The following NPEPPS variants were observed in gnomAD, a reference collection of about 807,000 sequenced individuals.
The protein encoded by NPEPPS is puromycin-sensitive aminopeptidase.
Under a neutral mutation model 115.5 loss-of-function variants are expected in NPEPPS, and 14 were observed. The ratio of observed to expected loss-of-function variants is 0.12; its 90% confidence interval spans 0.08 to 0.19. The LOEUF is 0.19. NPEPPS is among the 10% of genes least tolerant of loss of function. The probability of loss-of-function intolerance (pLI) is 1.00; values close to 1 mark genes in which losing one functional copy is unlikely to be tolerated. For missense variants in NPEPPS, 523 were observed against 1,110.8 expected, an observed-to-expected ratio of 0.47 and a Z score of 7.52; for synonymous variants, 285 against 390.6, an observed-to-expected ratio of 0.73 and a Z score of 3.19.
chr17:47,586,647 G>A (rs187566035), intron 8 of NPEPPS: 7 of 573,272 alleles, frequency 1.2e-5, no homozygotes, highest in African/African-American at 1.1e-4. Context: ...TCTTGGCTAA[G>A]TTTCTCATTG....
At chr17:47,611,638 A>C (rs145027789) in intron 17 of NPEPPS, among the ~76,000 whole-genome samples, 24 of 151,946 alleles carry the variant, frequency 1.6e-4, no homozygotes, top group African/African-American at 5.5e-4. Flanking sequence ...ATGCTTGGTT[A>C]ATTATTAAGT....
intron 17 of NPEPPS, among the ~76,000 whole-genome samples, chr17:47,611,218 G>A (rs542952205): frequency 6.6e-6 from 1 of 151,886 alleles, no homozygotes; most frequent in East Asian, 2.0e-4. Context: ...CCAACACTGT[G>A]GCAGGCCGAG....
intron 2 of NPEPPS, among the ~76,000 whole-genome samples, chr17:47,564,501 CA>C (rs1910665536): frequency 6.6e-6 from 1 of 152,060 alleles, no homozygotes; most frequent in African/African-American, 2.4e-5. Flanking sequence ...AGTTTTCTAT[CA>C]AGTTTAAGTT....
intron 16 of NPEPPS, 100 bp downstream of exon 16, chr17:47,604,149 C>T (rs1913390335): frequency 1.7e-6 from 2 of 1,148,258 alleles, no homozygotes; most frequent in South Asian, 1.8e-5. Flanking sequence ...TATGGGTCTT[C>T]ATGATGGTTA....
rs1367130076 is a variant in NPEPPS at position 47,601,677 on chromosome 17, T to C, written c.1670T>C (p.Leu557Pro). The C allele has an allele frequency of 6.2e-7, 1 of 1,612,428 alleles. No individual in the cohort carries two copies. The highest frequency in any genetic ancestry group is 8.5e-7 in the Non-Finnish European group (1 of 1,179,492). ...STSEDPNQAK[L>P]KILMDKPEMN... ...AGTGAAGACCCCAACCAGGCCAAAC[T>C]AAAAATTCTAATGGACAAGCCAGAG... The change falls in exon 15 of 23, where the codon CTA becomes CCA. Residue 557 changes from leucine to proline, a missense_variant. Physicochemically the swap from Leu to Pro is moderately conservative, Grantham distance 98. Transcript: ENST00000322157.
intron 13 of NPEPPS, 28 bp from the exon 14 acceptor site, chr17:47,599,648 T>C (rs1446080177): frequency 6.5e-7 from 1 of 1,546,822 alleles, no homozygotes; most frequent in Admixed American, 2.0e-5. Flanking sequence ...GTGTCAGTAC[T>C]ATTATAGCCT....
intron 1 of NPEPPS, among the ~76,000 whole-genome samples, chr17:47,535,379 G>A (rs1202420263): frequency 7.0e-6 from 1 of 143,486 alleles, no homozygotes; most frequent in Non-Finnish European, 1.5e-5. Context: ...GTGAAACCCC[G>A]CCTCTACTAA....
chr17:47,604,408 A>G (rs1913401177), intron 16 of NPEPPS, among the ~76,000 whole-genome samples: 1 of 152,328 alleles, frequency 6.6e-6, no homozygotes, highest in South Asian at 2.1e-4. Context: ...TAGTGGTTGT[A>G]CTTTGCTGGG....
At chr17:47,620,739 TGTG>T (rs1187481380) in intron 22 of NPEPPS, among the ~76,000 whole-genome samples, 2 of 152,246 alleles carry the variant, frequency 1.3e-5, no homozygotes, top group Non-Finnish European at 2.9e-5. Context: ...CTTTCACACC[TGTG>T]GTGACTAATT....
intron 3 of NPEPPS, among the ~76,000 whole-genome samples, chr17:47,573,056 G>A (rs768169611): frequency 4.6e-5 from 7 of 152,312 alleles, no homozygotes; most frequent in South Asian, 4.2e-4. Context: ...GATTACAGGC[G>A]TGTGCCACTG....
chr17:47,604,103 G>C, intron 16 of NPEPPS, 54 bp downstream of exon 16: 1 of 1,551,518 alleles, frequency 6.4e-7, no homozygotes. Context: ...AAAAGATTCT[G>C]TTTTTCCTGG....
rs772899878 is a variant in NPEPPS at position 47,577,524 on chromosome 17, TCA to T, written c.419-1865_419-1864del. ...AATTTTTTAGTATCATTTAGAATTATCAGTTATTTTACTATATTCATATATAC... is the reference window on the plus strand; with the variant it reads ...AATTTTTTAGTATCATTTAGAATTATGTTATTTTACTATATTCATATATAC... On this transcript the variant is annotated intron_variant, in intron 3 of 22. Coordinates refer to ENST00000322157, the MANE Select transcript of NPEPPS (RefSeq NM_006310.4). Among the ~76,000 whole-genome samples the T allele has an allele frequency of 2.0e-5, 3 of 152,194 alleles. No individual in the cohort carries two copies. The East Asian group carries it at 5.8e-4, about 29-fold the overall frequency.
chr17:47,583,300 T>C (rs956627442), intron 5 of NPEPPS, among the ~76,000 whole-genome samples: 1 of 152,172 alleles, frequency 6.6e-6, no homozygotes, highest in African/African-American at 2.4e-5. Context: ...GCAAAAGGTC[T>C]TGGGCTGGAT....
intron 17 of NPEPPS, among the ~76,000 whole-genome samples, chr17:47,610,185 A>C (rs1913759075): frequency 6.7e-6 from 1 of 149,738 alleles, no homozygotes; most frequent in Non-Finnish European, 1.5e-5. Flanking sequence ...CCCCCCAAAA[A>C]AAAAGCCTTG....
At chr17:47,601,877 C>T (rs557421096) in intron 15 of NPEPPS, 130 bp downstream of exon 15, 14 of 919,826 alleles carry the variant, frequency 1.5e-5, no homozygotes, top group East Asian at 2.7e-5. Flanking sequence ...AAACTTAGGA[C>T]GAATTTTCAT....
intron 12 of NPEPPS, among the ~76,000 whole-genome samples, chr17:47,594,631 G>GTTATGTTATGTTATGTTATGTTATGTTA (rs1555610751): frequency 3.2e-5 from 4 of 125,742 alleles, no homozygotes; most frequent in African/African-American, 1.1e-4. Flanking sequence ...GTTATGTTAT[G>GTTATGTTATGTTATGTTATGTTATGTTA]TTATGTTATG....
chr17:47,611,944 CATT>C (rs1451294557), intron 17 of NPEPPS, among the ~76,000 whole-genome samples: 2 of 152,142 alleles, frequency 1.3e-5, no homozygotes, highest in Non-Finnish European at 2.9e-5. Flanking sequence ...ATTGGTATCT[CATT>C]GTGGTTTTGA....
At chr17:47,602,304 T>C (rs1424518754) in intron 15 of NPEPPS, among the ~76,000 whole-genome samples, 1 of 152,138 alleles carries the variant, frequency 6.6e-6, no homozygotes, top group Non-Finnish European at 1.5e-5. Flanking sequence ...GAATTATACA[T>C]TGTATCAGAC....
At chr17:47,562,120 T>A (rs186913098) in intron 2 of NPEPPS, among the ~76,000 whole-genome samples, 109 of 152,308 alleles carry the variant, frequency 7.2e-4, no homozygotes, top group African/African-American at 2.2e-3. Context: ...TTTGTACTAT[T>A]CTTTATAATA....
Sources: allele counts gnomAD v4.1 joint callset (sites outside exome capture counted in the v4.1 genomes callset), GRCh38; gene constraint gnomAD v4.1.1; transcripts MANE v1.5; gene names NCBI Gene and HGNC (gene_info 2026-07-23, HGNC 2026-07-21).